USH2A: variants seen among roughly 807,000 people sequenced by gnomAD.
USH2A encodes the protein usherin.
Under a neutral mutation model 538.9 loss-of-function variants are expected in USH2A, and 443 were observed. That is an observed-to-expected ratio of 0.82 (90% confidence interval 0.76 to 0.89). The LOEUF is 0.89. Among genes scored for constraint, USH2A ranks in the 40% least tolerant of loss-of-function variants. The pLI, the probability that USH2A is intolerant of heterozygous loss-of-function variation, is 0.00. For synonymous variants in USH2A, 2,413 were observed against 2,273.5 expected (o/e 1.06, Z -1.75); for missense variants, 6,633 against 6,324.8 (o/e 1.05, Z -1.65).
chr1:215,949,326 T>A (rs1408063852), intron 37 of USH2A, among the ~76,000 whole-genome samples: 2 of 152,076 alleles, frequency 1.3e-5, no homozygotes, highest in Non-Finnish European at 2.9e-5. Flanking sequence ...CATTTCTAGA[T>A]GAGAAATATT....
At chr1:216,333,231 C>G (rs1183027525) in intron 4 of USH2A, among the ~76,000 whole-genome samples, 1 of 151,784 alleles carries the variant, frequency 6.6e-6, no homozygotes, top group East Asian at 1.9e-4. Context: ...ATCACGAGCC[C>G]AGCAGTTTGA....
At chr1:216,340,746 A>G (rs1346438433) in intron 4 of USH2A, among the ~76,000 whole-genome samples, 1 of 152,070 alleles carries the variant, frequency 6.6e-6, no homozygotes, top group African/African-American at 2.4e-5. Context: ...TGACAAAATC[A>G]CGTGATCATC....
At chr1:215,990,442 T>C (rs1299842240) in intron 35 of USH2A, among the ~76,000 whole-genome samples, 3 of 152,184 alleles carry the variant, frequency 2.0e-5, no homozygotes, top group Non-Finnish European at 4.4e-5. Flanking sequence ...AATTAAATAT[T>C]ATTGCGTACC....
chr1:216,379,911 A>G (rs2038899805), intron 3 of USH2A, among the ~76,000 whole-genome samples: 1 of 152,212 alleles, frequency 6.6e-6, no homozygotes, highest in South Asian at 2.1e-4. Flanking sequence ...ACTACAAGGG[A>G]ACAGAAAACA....
intron 26 of USH2A, among the ~76,000 whole-genome samples, chr1:216,082,332 A>G (rs1401126513): frequency 5.9e-5 from 9 of 151,988 alleles, no homozygotes; most frequent in African/African-American, 2.2e-4. Flanking sequence ...TACGTTTCAG[A>G]GAAAGAAGCC....
intron 48 of USH2A, among the ~76,000 whole-genome samples, chr1:215,814,188 CTTTTA>C (rs1001236797): frequency 1.6e-4 from 23 of 144,380 alleles, no homozygotes; most frequent in African/African-American, 4.7e-4. Flanking sequence ...AATTTTATAT[CTTTTA>C]TTTTATTATA....
chr1:215,927,615 A>G (rs1219954342), intron 38 of USH2A, among the ~76,000 whole-genome samples: 5 of 152,132 alleles, frequency 3.3e-5, no homozygotes, highest in African/African-American at 1.2e-4. Context: ...AGTGGAAACT[A>G]CTAGAAGGGG....
intron 47 of USH2A, among the ~76,000 whole-genome samples, chr1:215,826,871 G>A (rs1260745087): frequency 6.6e-6 from 1 of 152,174 alleles, no homozygotes; most frequent in African/African-American, 2.4e-5. Flanking sequence ...TAACATATAT[G>A]AGAAGATGCT....
intron 56 of USH2A, among the ~76,000 whole-genome samples, chr1:215,761,427 CTAT>C (rs1660978487): frequency 6.6e-6 from 1 of 152,112 alleles, no homozygotes; most frequent in South Asian, 2.1e-4. Context: ...CTTTGACATA[CTAT>C]TATTTTTACA....
rs2037686749 is a variant in USH2A, at chr1:216,324,364, A to G, written c.1144-12T>C. 1.9e-6 allele frequency: 3 copies of G among 1,601,066 alleles called. No individual in the cohort carries two copies. Among genetic ancestry groups the G allele is most frequent in the Non-Finnish European group, 2.6e-6 (3 of 1,171,200 alleles). On this transcript the variant is annotated splice_polypyrimidine_tract_variant and intron_variant, in intron 6 of 71. Transcript: ENST00000307340. Reference sequence around the variant, plus strand: ...ATAATATAAAACACCTGAAAATGGAAAGTTAATTAATGTAATTAAAGTTTT... The same window carrying G: ...ATAATATAAAACACCTGAAAATGGAGAGTTAATTAATGTAATTAAAGTTTT...
chr1:215,925,892 A>G (rs1666225719), intron 38 of USH2A, among the ~76,000 whole-genome samples: 3 of 152,136 alleles, frequency 2.0e-5, no homozygotes, highest in South Asian at 2.1e-4. Context: ...CATTTTTGAG[A>G]ACCATTAGTT....
intron 15 of USH2A, among the ~76,000 whole-genome samples, chr1:216,209,103 G>A (rs908022661): frequency 4.6e-5 from 7 of 152,178 alleles, no homozygotes; most frequent in Non-Finnish European, 8.8e-5. Flanking sequence ...TTGTAAGCAG[G>A]TCTTTCTAAA....
chr1:215,921,922 A>C (rs1666108291), intron 38 of USH2A, among the ~76,000 whole-genome samples: 2 of 152,022 alleles, frequency 1.3e-5, no homozygotes, highest in Non-Finnish European at 2.9e-5. Flanking sequence ...CAACATCAAA[A>C]ATCTCTTTTT....
intron 3 of USH2A, among the ~76,000 whole-genome samples, chr1:216,386,712 T>G (rs1472922912): frequency 1.4e-5 from 2 of 146,516 alleles, no homozygotes; most frequent in East Asian, 4.2e-4. Flanking sequence ...AAAATTAGCC[T>G]GGCGTGGTGA....
intron 61 of USH2A, among the ~76,000 whole-genome samples, chr1:215,693,520 T>C (rs1166085957): frequency 6.6e-6 from 1 of 152,184 alleles, no homozygotes; most frequent in Non-Finnish European, 1.5e-5. Flanking sequence ...AAAATGTACT[T>C]GTGAAGTGTA....
intron 44 of USH2A, among the ~76,000 whole-genome samples, chr1:215,861,790 A>C (rs1331176626): frequency 6.6e-6 from 1 of 152,148 alleles, no homozygotes; most frequent in Non-Finnish European, 1.5e-5. Context: ...GGCTATCACT[A>C]AAAGAAAAAG....
chr1:216,334,153 G>A (rs1267347116), intron 4 of USH2A, among the ~76,000 whole-genome samples: 2 of 151,952 alleles, frequency 1.3e-5, no homozygotes, highest in South Asian at 2.1e-4. Flanking sequence ...ATATATCTGT[G>A]TTGATGGGCA....
At chr1:215,925,428 C>T (rs970346730) in intron 38 of USH2A, among the ~76,000 whole-genome samples, 8 of 152,110 alleles carry the variant, frequency 5.3e-5, no homozygotes, top group African/African-American at 1.9e-4. Flanking sequence ...GGAAGATATA[C>T]ACAGAAGTAA....
chr1:216,113,675 T>C (rs779584440), intron 21 of USH2A, among the ~76,000 whole-genome samples: 16 of 152,046 alleles, frequency 1.1e-4, no homozygotes, highest in Non-Finnish European at 2.1e-4. Flanking sequence ...CTGTCACTTG[T>C]TAAAGTCATT....
Sources: gnomAD v4.1 joint callset for allele counts (sites outside exome capture counted in the v4.1 genomes callset) on GRCh38, gnomAD v4.1.1 for gene constraint, MANE v1.5 for transcripts, NCBI Gene and HGNC (gene_info 2026-07-23, HGNC 2026-07-21) for gene names.